The following RIMS2 variants were observed in gnomAD, a reference collection of about 807,000 sequenced individuals.
RIMS2 encodes the protein regulating synaptic membrane exocytosis protein 2.
Under a neutral mutation model 174.4 loss-of-function variants are expected in RIMS2, and 59 were observed. The observed-to-expected ratio is 0.34, with a 90% CI of 0.27 to 0.42. RIMS2 has a LOEUF of 0.42. Ranked by LOEUF, RIMS2 falls within the 10% of genes least tolerant of loss-of-function variation. The probability of loss-of-function intolerance (pLI) is 1.00; values close to 1 mark genes in which losing one functional copy is unlikely to be tolerated. For synonymous variants in RIMS2, 606 were observed against 572.5 expected (o/e 1.06, Z -0.84); for missense variants, 1,620 against 1,666.3 (o/e 0.97, Z 0.48).
At chr8:104,204,659 T>C (rs1452348133) in intron 19 of RIMS2, among the ~76,000 whole-genome samples, 1 of 152,128 alleles carries the variant, frequency 6.6e-6, no homozygotes, top group African/African-American at 2.4e-5. Context: ...AAAAATTACT[T>C]GACATTTTTA....
At chr8:103,729,406 A>G (rs1216718522) in intron 2 of RIMS2, among the ~76,000 whole-genome samples, 1 of 152,098 alleles carries the variant, frequency 6.6e-6, no homozygotes, top group Non-Finnish European at 1.5e-5. Context: ...AATTTCTGCA[A>G]TATCAATTTT....
Position 103,833,949 on chromosome 8 carries a change from T to C in RIMS2, c.699-51349T>C, listed in dbSNP as rs1239144274. Reference sequence around the variant, plus strand: ...TTTGGACATGACTAATAATGCTTTATAGTCTCTGAAATTAGTTTGTCCCTC... The same window carrying C: ...TTTGGACATGACTAATAATGCTTTACAGTCTCTGAAATTAGTTTGTCCCTC... On this transcript the variant is annotated intron_variant, in intron 3 of 23. Coordinates refer to ENST00000504942, the Ensembl canonical transcript of RIMS2. 1.4e-4 allele frequency among the ~76,000 whole-genome samples: 21 copies of C among 152,196 alleles called. 1 individual carries two copies. The highest frequency in any genetic ancestry group is 1.4e-3 in the Admixed American group (21 of 15,274).
intron 1 of RIMS2, among the ~76,000 whole-genome samples, chr8:103,577,239 C>T (rs1399156121): frequency 6.6e-6 from 1 of 152,154 alleles, no homozygotes; most frequent in Admixed American, 6.5e-5. Context: ...AAAAAACAAA[C>T]AACCCCATCA....
At chr8:104,221,232 C>T (rs1290622460) in intron 19 of RIMS2, among the ~76,000 whole-genome samples, 1 of 152,140 alleles carries the variant, frequency 6.6e-6, no homozygotes, top group African/African-American at 2.4e-5. Flanking sequence ...ACACATTTTA[C>T]ATCACAGCTC....
intron 19 of RIMS2, among the ~76,000 whole-genome samples, chr8:104,150,642 G>T (rs569356881): frequency 6.6e-6 from 1 of 152,250 alleles, no homozygotes; most frequent in African/African-American, 2.4e-5. Flanking sequence ...ACAAGGCATA[G>T]ATCCATGATA....
intron 19 of RIMS2, among the ~76,000 whole-genome samples, chr8:104,199,305 G>A (rs1004848760): frequency 6.6e-6 from 1 of 151,650 alleles, no homozygotes. Context: ...CTTGTGATCT[G>A]CCCACCTCGG....
intron 19 of RIMS2, among the ~76,000 whole-genome samples, chr8:104,140,118 G>A (rs1193685028): frequency 6.6e-6 from 1 of 151,986 alleles, no homozygotes; most frequent in African/African-American, 2.4e-5. Flanking sequence ...AATCCCACTT[G>A]GTCATGATGA....
intron 14 of RIMS2, among the ~76,000 whole-genome samples, chr8:103,954,008 G>T (rs2086296186): frequency 6.6e-6 from 1 of 152,064 alleles, no homozygotes; most frequent in Non-Finnish European, 1.5e-5. Flanking sequence ...AGACAAAGAA[G>T]GCCATTACAT....
At chr8:103,772,125 T>G (rs1012872800) in intron 3 of RIMS2, among the ~76,000 whole-genome samples, 2 of 152,000 alleles carry the variant, frequency 1.3e-5, no homozygotes, top group African/African-American at 4.8e-5. Flanking sequence ...TGCTTAATAC[T>G]TCTGCTTCTA....
intron 1 of RIMS2, among the ~76,000 whole-genome samples, chr8:103,514,566 T>C (rs1323400940): frequency 6.6e-6 from 1 of 152,186 alleles, no homozygotes; most frequent in Admixed American, 6.5e-5. Context: ...TAAATTTTTT[T>C]CAATATCTAC....
rs991475185 is a variant in RIMS2, at chr8:104,153,801, C to CA, written c.3335-91108dup. Among the ~76,000 whole-genome samples, 18 of 151,644 alleles carry CA rather than the reference C, an allele frequency of 1.2e-4. 1 individual carries two copies. Among genetic ancestry groups the CA allele is most frequent in the African/African-American group, 2.4e-4 (10 of 41,416 alleles). Reference sequence around the variant, plus strand: ...GAGAAGGCAACCATTAAAGGAAAAACAAAAAAAGGATATCTTAGAAACCAA... The same window carrying CA: ...GAGAAGGCAACCATTAAAGGAAAAACAAAAAAAAGGATATCTTAGAAACCAA... On this transcript the variant is annotated intron_variant, in intron 19 of 23. Coordinates refer to ENST00000504942, the Ensembl canonical transcript of RIMS2.
chr8:104,035,413 T>G (rs1371618241), intron 19 of RIMS2, among the ~76,000 whole-genome samples: 1 of 151,952 alleles, frequency 6.6e-6, no homozygotes, highest in Non-Finnish European at 1.5e-5. Flanking sequence ...TTGGCATTAT[T>G]TGCTTTAATT....
chr8:103,710,217 A>G (rs1261791914), intron 2 of RIMS2, among the ~76,000 whole-genome samples: 2 of 152,170 alleles, frequency 1.3e-5, no homozygotes, highest in Non-Finnish European at 2.9e-5. Context: ...GAACACAAAT[A>G]TTATATAGCT....
At chr8:104,206,212 T>G (rs2099079528) in intron 19 of RIMS2, among the ~76,000 whole-genome samples, 1 of 152,224 alleles carries the variant, frequency 6.6e-6, no homozygotes, top group African/African-American at 2.4e-5. Flanking sequence ...AGAGAGGGGT[T>G]ATTGAGTTAT....
chr8:103,808,262 T>C (rs1441923126), intron 3 of RIMS2, among the ~76,000 whole-genome samples: 2 of 152,128 alleles, frequency 1.3e-5, no homozygotes, highest in Non-Finnish European at 2.9e-5. Context: ...CCACACTCTC[T>C]CTCTTGACTT....
At chr8:103,614,928 A>C (rs192309481) in intron 1 of RIMS2, among the ~76,000 whole-genome samples, 1 of 152,336 alleles carries the variant, frequency 6.6e-6, no homozygotes, top group Non-Finnish European at 1.5e-5. Context: ...AACACATATT[A>C]AACTTTTGAC....
intron 15 of RIMS2, among the ~76,000 whole-genome samples, chr8:103,966,740 A>G (rs565407652): frequency 2.6e-5 from 4 of 152,186 alleles, no homozygotes; most frequent in South Asian, 4.1e-4. Context: ...TTTTTCTAAT[A>G]TACATATACA....
At chr8:104,134,978 A>G (rs1403127830) in intron 19 of RIMS2, among the ~76,000 whole-genome samples, 1 of 152,042 alleles carries the variant, frequency 6.6e-6, no homozygotes, top group Non-Finnish European at 1.5e-5. Flanking sequence ...CAGACATGTT[A>G]CAACAAGTTA....
intron 3 of RIMS2, among the ~76,000 whole-genome samples, chr8:103,853,978 A>G (rs527411637): frequency 6.6e-6 from 1 of 152,236 alleles, no homozygotes; most frequent in Admixed American, 6.5e-5. Context: ...TGCCTTGGCC[A>G]GTATGGACAT....
Sources: gnomAD v4.1 joint callset for allele counts (sites outside exome capture counted in the v4.1 genomes callset) on GRCh38, gnomAD v4.1.1 for gene constraint, MANE v1.5 for transcripts, NCBI Gene and HGNC (gene_info 2026-07-23, HGNC 2026-07-21) for gene names.